The following CSTPP1 variants were observed in gnomAD, a reference collection of about 807,000 sequenced individuals.
CSTPP1 encodes UPF0705 protein C11orf49.
the CSTPP1 span, among the ~76,000 whole-genome samples, chr11:47,072,491 G>A: frequency 6.6e-6 from 1 of 152,168 alleles, no homozygotes; most frequent in African/African-American, 2.4e-5. Context: ...ACCGATATAG[G>A]AAAGTAATTA....
the CSTPP1 span, among the ~76,000 whole-genome samples, chr11:47,076,413 TA>T: frequency 6.6e-6 from 1 of 152,126 alleles, no homozygotes; most frequent in African/African-American, 2.4e-5. Context: ...AAGCTCAATA[TA>T]AACAAGCTCC....
At chr11:47,039,459 A>AGAGAGG in the CSTPP1 span, among the ~76,000 whole-genome samples, 4 of 126,404 alleles carry the variant, frequency 3.2e-5, 2 homozygotes, top group Non-Finnish European at 7.5e-5. Context: ...GAGACCGTGG[A>AGAGAGG]GAGAGGGAGA....
chr11:47,056,542 C>T, the CSTPP1 span, among the ~76,000 whole-genome samples: 2 of 152,188 alleles, frequency 1.3e-5, no homozygotes, highest in Non-Finnish European at 2.9e-5. Flanking sequence ...CCCAGTTTCT[C>T]CTTGTGCCAT....
the CSTPP1 span, among the ~76,000 whole-genome samples, chr11:47,039,348 C>G: frequency 7.9e-6 from 1 of 127,294 alleles, no homozygotes; most frequent in Non-Finnish European, 1.9e-5. Context: ...CAAAAAAATA[C>G]GAAAACCAGT....
At chr11:47,046,383 A>G in the CSTPP1 span, among the ~76,000 whole-genome samples, 1 of 151,918 alleles carries the variant, frequency 6.6e-6, no homozygotes, top group Non-Finnish European at 1.5e-5. Flanking sequence ...ATATACCATC[A>G]ATGAACAATC....
chr11:47,065,344 C>T, the CSTPP1 span, among the ~76,000 whole-genome samples: 9 of 152,058 alleles, frequency 5.9e-5, no homozygotes, highest in South Asian at 1.7e-3. Context: ...GTGTCTTGCT[C>T]TGTTGCCCTG....
the CSTPP1 span, chr11:46,936,865 T>C: frequency 6.4e-7 from 1 of 1,573,796 alleles, no homozygotes; most frequent in Non-Finnish European, 8.6e-7. Context: ...GGAACCCCCT[T>C]TAACTTTGGG....
At chr11:46,965,731 C>T in the CSTPP1 span, among the ~76,000 whole-genome samples, 1 of 152,052 alleles carries the variant, frequency 6.6e-6, no homozygotes, top group Non-Finnish European at 1.5e-5. Context: ...TACACAGATA[C>T]GTAGTTCAAA....
At chr11:47,117,526 TG>T in the CSTPP1 span, among the ~76,000 whole-genome samples, 2 of 152,242 alleles carry the variant, frequency 1.3e-5, no homozygotes, top group African/African-American at 4.8e-5. Context: ...CTTCCCTTTG[TG>T]GGTAACTCAA....
chr11:47,063,334 A>G, the CSTPP1 span, among the ~76,000 whole-genome samples: 1 of 152,164 alleles, frequency 6.6e-6, no homozygotes, highest in Admixed American at 6.5e-5. Context: ...AACCTATATA[A>G]CAAAACTTAC....
the CSTPP1 span, among the ~76,000 whole-genome samples, chr11:46,976,714 A>G: frequency 6.6e-6 from 1 of 152,116 alleles, no homozygotes; most frequent in African/African-American, 2.4e-5. Flanking sequence ...TAAGGCCCTT[A>G]TTGTATGCAG....
chr11:46,964,246 C>A, the CSTPP1 span, among the ~76,000 whole-genome samples: 4 of 151,830 alleles, frequency 2.6e-5, no homozygotes, highest in Non-Finnish European at 4.4e-5. Context: ...CTATGCTGAA[C>A]AATGTACAGT....
chr11:46,937,865 CTT>C, the CSTPP1 span, among the ~76,000 whole-genome samples: 2 of 151,762 alleles, frequency 1.3e-5, no homozygotes, highest in African/African-American at 4.8e-5. Flanking sequence ...AATTCATAGA[CTT>C]TTATTTTTTT....
chr11:47,147,456 A>C, the CSTPP1 span, among the ~76,000 whole-genome samples: 1 of 152,180 alleles, frequency 6.6e-6, no homozygotes, highest in Non-Finnish European at 1.5e-5. Context: ...CTTTATTCTA[A>C]GGTCTGTGGA....
At chr11:47,112,392 G>A in the CSTPP1 span, among the ~76,000 whole-genome samples, 1 of 152,082 alleles carries the variant, frequency 6.6e-6, no homozygotes, top group African/African-American at 2.4e-5. Context: ...CACAATCTCA[G>A]CTCACTGCAG....
At chr11:47,019,435 T>G in the CSTPP1 span, among the ~76,000 whole-genome samples, 5 of 152,224 alleles carry the variant, frequency 3.3e-5, no homozygotes, top group African/African-American at 1.2e-4. Flanking sequence ...TCACTAAGCT[T>G]AATAATTTCT....
chr11:47,109,848 A>T, the CSTPP1 span, among the ~76,000 whole-genome samples: 1 of 152,222 alleles, frequency 6.6e-6, no homozygotes, highest in Non-Finnish European at 1.5e-5. Flanking sequence ...TTTCTTTAAC[A>T]TGCTAGATTG....
the CSTPP1 span, among the ~76,000 whole-genome samples, chr11:47,079,625 CTAAT>C: frequency 1.3e-5 from 2 of 152,118 alleles, no homozygotes; most frequent in African/African-American, 4.8e-5. Context: ...AAAATACTTG[CTAAT>C]TATTTCTAGT....
chr11:47,063,258 T>G, the CSTPP1 span, among the ~76,000 whole-genome samples: 3 of 152,178 alleles, frequency 2.0e-5, no homozygotes, highest in Non-Finnish European at 2.9e-5. Flanking sequence ...ATTATTGTGG[T>G]AAAATATATA....
Sources: allele counts gnomAD v4.1 joint callset (sites outside exome capture counted in the v4.1 genomes callset), GRCh38; gene constraint gnomAD v4.1.1; transcripts MANE v1.5; gene names NCBI Gene and HGNC (gene_info 2026-07-23, HGNC 2026-07-21).